Variants in SLC9A9 observed in about 807,000 individuals in gnomAD.
SLC9A9 encodes sodium/hydrogen exchanger 9.
In SLC9A9, 62 loss-of-function variants were observed where a neutral mutation model predicts 77.8. The observed-to-expected ratio is 0.80, with a 90% CI of 0.65 to 0.98. The LOEUF (loss-of-function observed/expected upper bound fraction) is 0.98, where lower values mean the gene tolerates loss of function less well. SLC9A9 is among the 50% of genes least tolerant of loss of function. The pLI is 0.00. For synonymous variants in SLC9A9, 320 were observed against 283.5 expected, an observed-to-expected ratio of 1.13 and a Z score of -1.29; for missense variants, 775 against 774.9, an observed-to-expected ratio of 1.00 and a Z score of 0.00.
intron 4 of SLC9A9, among the ~76,000 whole-genome samples, chr3:143,784,787 T>G (rs2007996444): frequency 6.6e-6 from 1 of 152,144 alleles, no homozygotes; most frequent in Non-Finnish European, 1.5e-5. Flanking sequence ...CACCCCAAAA[T>G]TATACTGAAA....
At chr3:143,565,714 G>GT (rs200968782) in intron 8 of SLC9A9, among the ~76,000 whole-genome samples, 18,224 of 146,166 alleles carry the variant, frequency 0.12, 1,129 homozygotes, top group Non-Finnish European at 0.13. Flanking sequence ...TCAGGGTTTT[G>GT]TTTTTTTTTT....
chr3:143,795,614 T>G (rs1478856327), intron 3 of SLC9A9, among the ~76,000 whole-genome samples: 1 of 152,164 alleles, frequency 6.6e-6, no homozygotes, highest in East Asian at 1.9e-4. Context: ...CGCCTGTAAT[T>G]CCAGCAATTT....
rs544423357 is a variant in SLC9A9, at chr3:143,829,170, G to A, written c.378+2849C>T. Among the ~76,000 whole-genome samples, 6 of 152,198 alleles carry A rather than the reference G, an allele frequency of 3.9e-5. No homozygotes were observed. The East Asian group carries it at 9.6e-4, about 24-fold the overall frequency. On this transcript the variant is annotated intron_variant, in intron 2 of 15. Coordinates refer to ENST00000316549, the MANE Select transcript of SLC9A9 (RefSeq NM_173653.4). The stretch of plus-strand genomic sequence containing the variant: ...GGGTCTCTTTCTTGCTCTAAATTAG[G>A]TGATACGTATATGCAGATCCAGGGC...
intron 2 of SLC9A9, among the ~76,000 whole-genome samples, chr3:143,822,044 A>G (rs968307786): frequency 7.2e-5 from 11 of 152,192 alleles, no homozygotes; most frequent in Admixed American, 6.5e-5. Flanking sequence ...AACGTCATGC[A>G]CTTTCCAGAG....
At chr3:143,767,436 G>T (rs1253256008) in intron 4 of SLC9A9, among the ~76,000 whole-genome samples, 1 of 150,196 alleles carries the variant, frequency 6.7e-6, no homozygotes, top group African/African-American at 2.5e-5. Context: ...AACTTCAAGG[G>T]CCACATTAAC....
chr3:143,658,113 C>A (rs922473798), intron 5 of SLC9A9, among the ~76,000 whole-genome samples: 1 of 152,130 alleles, frequency 6.6e-6, no homozygotes, highest in Non-Finnish European at 1.5e-5. Flanking sequence ...GGGATCTGCC[C>A]GCCTTGGCCT....
At chr3:143,569,983 T>A (rs1055868119) in intron 8 of SLC9A9, among the ~76,000 whole-genome samples, 1 of 151,712 alleles carries the variant, frequency 6.6e-6, no homozygotes, top group Non-Finnish European at 1.5e-5. Context: ...ATACTTTTTT[T>A]TTTTTAGAGA....
intron 4 of SLC9A9, among the ~76,000 whole-genome samples, chr3:143,766,366 G>C (rs982646869): frequency 1.3e-5 from 2 of 152,142 alleles, no homozygotes; most frequent in Non-Finnish European, 2.9e-5. Flanking sequence ...AGACAACAAG[G>C]CCAGAATAAA....
chr3:143,423,342 C>A (rs1409912951), intron 12 of SLC9A9, among the ~76,000 whole-genome samples: 6 of 151,778 alleles, frequency 4.0e-5, no homozygotes, highest in Non-Finnish European at 8.8e-5. Flanking sequence ...GCAGTGAGCA[C>A]ACCTAGCACC....
At chr3:143,719,494 A>G (rs1195028783) in intron 4 of SLC9A9, among the ~76,000 whole-genome samples, 1 of 152,072 alleles carries the variant, frequency 6.6e-6, no homozygotes, top group Admixed American at 6.5e-5. Flanking sequence ...CTCAGCATTT[A>G]GTTGCCTTTG....
chr3:143,798,330 T>C (rs1576734011), intron 2 of SLC9A9, among the ~76,000 whole-genome samples: 1 of 152,174 alleles, frequency 6.6e-6, no homozygotes, highest in African/African-American at 2.4e-5. Flanking sequence ...TGCCTGATTA[T>C]TCACCCACAT....
At chr3:143,425,863 C>A (rs1217599251) in intron 12 of SLC9A9, among the ~76,000 whole-genome samples, 1 of 152,168 alleles carries the variant, frequency 6.6e-6, no homozygotes, top group Non-Finnish European at 1.5e-5. Flanking sequence ...ATGCTCCATC[C>A]ACCCCATAGA....
At chr3:143,778,037 C>CAAAAAAAAAAAAAAAAAAAAAAA (rs748982877) in intron 4 of SLC9A9, among the ~76,000 whole-genome samples, 1 of 75,572 alleles carries the variant, frequency 1.3e-5, no homozygotes, top group Non-Finnish European at 2.4e-5. Context: ...TTATAAAATG[C>CAAAAAAAAAAAAAAAAAAAAAAA]AAAAAAAAAA....
intron 14 of SLC9A9, among the ~76,000 whole-genome samples, chr3:143,303,361 T>A (rs1184848866): frequency 6.6e-6 from 1 of 150,642 alleles, no homozygotes; most frequent in Non-Finnish European, 1.5e-5. Flanking sequence ...TGGGTTTTTT[T>A]CTTTTTCTTT....
intron 9 of SLC9A9, among the ~76,000 whole-genome samples, chr3:143,551,679 A>G (rs1227866891): frequency 6.6e-6 from 1 of 152,246 alleles, no homozygotes; most frequent in Non-Finnish European, 1.5e-5. Context: ...TGCACACTAT[A>G]GACGTATTTC....
intron 4 of SLC9A9, chr3:143,698,291 A>G (rs1933698412): frequency 6.5e-6 from 1 of 153,774 alleles, no homozygotes; most frequent in Non-Finnish European, 1.5e-5. Context: ...ACTGTCTCAT[A>G]AAAACTAAAA....
chr3:143,835,012 G>A (rs569200429), intron 1 of SLC9A9, among the ~76,000 whole-genome samples: 1 of 152,258 alleles, frequency 6.6e-6, no homozygotes, highest in African/African-American at 2.4e-5. Context: ...ACTAAGGCAA[G>A]CAGATGGGGA....
chr3:143,630,526 C>T lies in SLC9A9; in HGVS notation c.755+21729G>A, dbSNP rs187725063. Among the ~76,000 whole-genome samples, 42 of 152,238 alleles carry T rather than the reference C, an allele frequency of 2.8e-4. 1 individual carries two copies. The East Asian group carries it at 6.8e-3, about 24-fold the overall frequency. On this transcript the variant is annotated intron_variant, in intron 6 of 15. Coordinates refer to ENST00000316549, the MANE Select transcript of SLC9A9 (RefSeq NM_173653.4). ...TCACAGAAGCTAAGGTAGATTATTTCTGCCTTGACTATTATCGGTGAGATT... is the reference window on the plus strand; with the variant it reads ...TCACAGAAGCTAAGGTAGATTATTTTTGCCTTGACTATTATCGGTGAGATT...
At chr3:143,602,039 C>CT (rs935498341) in intron 6 of SLC9A9, among the ~76,000 whole-genome samples, 2 of 152,104 alleles carry the variant, frequency 1.3e-5, no homozygotes, top group Admixed American at 1.3e-4. Flanking sequence ...TTCCCATGTC[C>CT]TTTTTTGTTT....
Sources: gnomAD v4.1 joint callset for allele counts (sites outside exome capture counted in the v4.1 genomes callset) on GRCh38, gnomAD v4.1.1 for gene constraint, MANE v1.5 for transcripts, NCBI Gene and HGNC (gene_info 2026-07-23, HGNC 2026-07-21) for gene names.